The following KLHL1 variants were observed in gnomAD, a reference collection of about 807,000 sequenced individuals.
KLHL1 encodes the protein kelch-like protein 1.
A neutral mutation model predicts 77.7 loss-of-function variants in KLHL1; 47 were observed. The observed-to-expected ratio is 0.60, with a 90% CI of 0.48 to 0.77. KLHL1 has a LOEUF of 0.77. Among genes scored for constraint, KLHL1 ranks in the 30% least tolerant of loss-of-function variants. KLHL1 has a pLI of 0.00. For missense variants in KLHL1, 925 were observed against 910.8 expected (o/e 1.02, Z -0.20); for synonymous variants, 360 against 325.2 (o/e 1.11, Z -1.15).
At chr13:69,932,847 T>C (rs1883043695) in intron 4 of KLHL1, among the ~76,000 whole-genome samples, 1 of 152,020 alleles carries the variant, frequency 6.6e-6, no homozygotes, top group Non-Finnish European at 1.5e-5. Context: ...CTGTAAAGAA[T>C]AGTGAACAAG....
intron 6 of KLHL1, among the ~76,000 whole-genome samples, chr13:69,834,582 A>G (rs559743732): frequency 6.6e-6 from 1 of 152,242 alleles, no homozygotes; most frequent in East Asian, 1.9e-4. Flanking sequence ...AGACTTGTCC[A>G]CTTTGGATAT....
At chr13:69,854,826 A>ATAAC (rs1172293123) in intron 5 of KLHL1, among the ~76,000 whole-genome samples, 1 of 152,076 alleles carries the variant, frequency 6.6e-6, no homozygotes, top group Non-Finnish European at 1.5e-5. Flanking sequence ...TGTGAAGGCC[A>ATAAC]TAACTGCCAG....
chr13:70,035,549 A>G (rs934178594), intron 1 of KLHL1, among the ~76,000 whole-genome samples: 1 of 152,086 alleles, frequency 6.6e-6, no homozygotes, highest in Non-Finnish European at 1.5e-5. Flanking sequence ...TAAATAAGAT[A>G]ATTTTTTTAA....
intron 3 of KLHL1, among the ~76,000 whole-genome samples, chr13:69,946,360 T>C (rs1290177662): frequency 6.6e-6 from 1 of 152,220 alleles, no homozygotes; most frequent in Admixed American, 6.5e-5. Flanking sequence ...TAAAAAAGAA[T>C]ACTCAACTGT....
chr13:70,099,900 T>C (rs979074546), intron 1 of KLHL1, among the ~76,000 whole-genome samples: 69 of 152,038 alleles, frequency 4.5e-4, no homozygotes, highest in African/African-American at 1.6e-3. Context: ...TTAATCTATT[T>C]ATGTATTCTT....
intron 4 of KLHL1, among the ~76,000 whole-genome samples, chr13:69,890,913 A>C (rs1881405126): frequency 6.6e-6 from 1 of 152,076 alleles, no homozygotes; most frequent in Non-Finnish European, 1.5e-5. Flanking sequence ...ACAAACATAT[A>C]CTTGTTTAAT....
intron 1 of KLHL1, among the ~76,000 whole-genome samples, chr13:70,007,046 A>G (rs1885423595): frequency 6.6e-6 from 1 of 151,960 alleles, no homozygotes; most frequent in Non-Finnish European, 1.5e-5. Flanking sequence ...GTTCAGAGAA[A>G]ACAACCGGAT....
chr13:69,928,525 T>C (rs569051054), intron 4 of KLHL1, among the ~76,000 whole-genome samples: 3 of 152,296 alleles, frequency 2.0e-5, no homozygotes, highest in East Asian at 1.9e-4. Flanking sequence ...ACAACTCAAA[T>C]GTCCATCAAC....
chr13:69,788,371 T>C (rs1876674639), intron 7 of KLHL1, among the ~76,000 whole-genome samples: 1 of 152,138 alleles, frequency 6.6e-6, no homozygotes, highest in Non-Finnish European at 1.5e-5. Context: ...GGGACATGGA[T>C]GAAACTGGAA....
chr13:69,966,186 T>G (rs1319886669), intron 2 of KLHL1, among the ~76,000 whole-genome samples: 1 of 152,110 alleles, frequency 6.6e-6, no homozygotes, highest in Non-Finnish European at 1.5e-5. Flanking sequence ...TCATCTAGGA[T>G]TTTCATAGTT....
chr13:69,746,731 A>G (rs1329430819), intron 7 of KLHL1, among the ~76,000 whole-genome samples: 1 of 151,928 alleles, frequency 6.6e-6, no homozygotes, highest in Admixed American at 6.6e-5. Flanking sequence ...GAGTTTGTCA[A>G]ACAGGTAGTC....
intron 1 of KLHL1, among the ~76,000 whole-genome samples, chr13:70,091,800 G>A (rs576685764): frequency 8.5e-5 from 13 of 152,078 alleles, no homozygotes; most frequent in African/African-American, 2.7e-4. Context: ...TGTAGGTGCC[G>A]CCTAAACTAC....
chr13:70,024,086 G>A (rs1002825955), intron 1 of KLHL1, among the ~76,000 whole-genome samples: 3 of 151,720 alleles, frequency 2.0e-5, no homozygotes, highest in African/African-American at 7.3e-5. Context: ...TATGTTTTAC[G>A]AGATCAGAGG....
chr13:70,013,881 G>C (rs986274694), intron 1 of KLHL1, among the ~76,000 whole-genome samples: 1 of 152,030 alleles, frequency 6.6e-6, no homozygotes, highest in Non-Finnish European at 1.5e-5. Context: ...CTCGCTACTT[G>C]TTATAGACTC....
intron 4 of KLHL1, among the ~76,000 whole-genome samples, chr13:69,917,009 T>C (rs1368638393): frequency 6.6e-6 from 1 of 152,094 alleles, no homozygotes; most frequent in African/African-American, 2.4e-5. Context: ...CATGGATGTA[T>C]ACATATATGT....
chr13:69,885,960 T>C (rs549589299), intron 4 of KLHL1, among the ~76,000 whole-genome samples: 21 of 152,080 alleles, frequency 1.4e-4, no homozygotes, highest in Non-Finnish European at 1.9e-4. Flanking sequence ...GTGAAAACCA[T>C]ATAAAGACAT....
At chr13:70,019,481 C>T (rs904623502) in intron 1 of KLHL1, among the ~76,000 whole-genome samples, 5 of 147,906 alleles carry the variant, frequency 3.4e-5, no homozygotes, top group African/African-American at 7.5e-5. Context: ...TAGTGAGGGG[C>T]TAGTGGGAGG....
intron 7 of KLHL1, among the ~76,000 whole-genome samples, chr13:69,775,620 C>A (rs979794805): frequency 3.9e-5 from 6 of 151,922 alleles, no homozygotes; most frequent in Non-Finnish European, 7.4e-5. Flanking sequence ...AAAATATTAT[C>A]TTTTGTTTTA....
intron 7 of KLHL1, among the ~76,000 whole-genome samples, chr13:69,759,419 G>C (rs1461571746): frequency 6.6e-6 from 1 of 152,048 alleles, no homozygotes; most frequent in African/African-American, 2.4e-5. Flanking sequence ...GAAGACACAG[G>C]CAAAAATGTC....
Sources: allele counts gnomAD v4.1 joint callset (sites outside exome capture counted in the v4.1 genomes callset), GRCh38; gene constraint gnomAD v4.1.1; transcripts MANE v1.5; gene names NCBI Gene and HGNC (gene_info 2026-07-23, HGNC 2026-07-21).